LYPLAL1: variants seen among roughly 807,000 people sequenced by gnomAD.
LYPLAL1 encodes the protein lysophospholipase like 1, also known as lysophospholipase-like protein 1.
A neutral mutation model predicts 19.7 loss-of-function variants in LYPLAL1; 23 were observed. The observed-to-expected ratio is 1.17, with a 90% CI of 0.84 to 1.65. The LOEUF is 1.65. Among genes scored for constraint, LYPLAL1 ranks in the 40% most tolerant of loss-of-function variants. The pLI, the probability that LYPLAL1 is intolerant of heterozygous loss-of-function variation, is 0.00. For missense variants in LYPLAL1, 355 were observed against 279.4 expected (o/e 1.27, Z -1.93); for synonymous variants, 119 against 96.3 (o/e 1.24, Z -1.38).
the LYPLAL1 span, among the ~76,000 whole-genome samples, chr1:219,237,635 T>C: frequency 6.6e-6 from 1 of 152,208 alleles, no homozygotes; most frequent in Non-Finnish European, 1.5e-5. Context: ...TGTCTAGTTT[T>C]TGTCTGTTTG....
the LYPLAL1 span, among the ~76,000 whole-genome samples, chr1:219,267,796 A>T: frequency 2.0e-5 from 3 of 152,294 alleles, no homozygotes; most frequent in South Asian, 6.2e-4. Flanking sequence ...TGACTCCAAA[A>T]TCATGTTCTT....
chr1:219,177,160 A>G (rs1655885390), intron 1 of LYPLAL1, among the ~76,000 whole-genome samples: 3 of 152,170 alleles, frequency 2.0e-5, no homozygotes, highest in Non-Finnish European at 4.4e-5. Context: ...GCTCCAGGGT[A>G]GGGTCCTTGA....
At chr1:219,445,417 GGC>G in the LYPLAL1 span, among the ~76,000 whole-genome samples, 143 of 100,958 alleles carry the variant, frequency 1.4e-3, 2 homozygotes, top group African/African-American at 5.2e-3. Context: ...TTGGGGGGGG[GGC>G]GGTGGGGGGA....
the LYPLAL1 span, among the ~76,000 whole-genome samples, chr1:219,427,768 C>A: frequency 5.9e-5 from 9 of 152,182 alleles, no homozygotes; most frequent in African/African-American, 1.9e-4. Flanking sequence ...GTTTTGTTTT[C>A]CATTTAAATT....
chr1:219,281,179 T>C, the LYPLAL1 span, among the ~76,000 whole-genome samples: 4 of 152,220 alleles, frequency 2.6e-5, no homozygotes, highest in Non-Finnish European at 5.9e-5. Flanking sequence ...GCAGTTTGAT[T>C]CATAGAACAC....
chr1:219,205,836 C>A lies in LYPLAL1; in HGVS notation c.362-4696C>A, dbSNP rs145801489. Reference sequence around the variant, plus strand: ...TATTTTAATTAAACATTTTATGTTTCTTCAACAACTAGTAGGACTTTAAAG... The same window carrying A: ...TATTTTAATTAAACATTTTATGTTTATTCAACAACTAGTAGGACTTTAAAG... On this transcript the variant is annotated intron_variant, in intron 3 of 4. Coordinates refer to ENST00000366928, the MANE Select transcript of LYPLAL1 (RefSeq NM_138794.5). Among the ~76,000 whole-genome samples the A allele has an allele frequency of 4.1e-3, 629 of 152,220 alleles. 8 individuals carry two copies. The highest frequency in any genetic ancestry group is 0.014 in the African/African-American group (594 of 41,538).
chr1:219,264,477 TA>T, the LYPLAL1 span, among the ~76,000 whole-genome samples: 1 of 152,196 alleles, frequency 6.6e-6, no homozygotes, highest in Non-Finnish European at 1.5e-5. Flanking sequence ...TTGGGCAAAA[TA>T]ACTTCATAGA....
the LYPLAL1 span, among the ~76,000 whole-genome samples, chr1:219,232,936 T>A: frequency 1.3e-5 from 2 of 150,916 alleles, no homozygotes; most frequent in Admixed American, 6.6e-5. Flanking sequence ...TGAACTGTTG[T>A]GATGATGTAA....
At chr1:219,335,077 C>T in the LYPLAL1 span, among the ~76,000 whole-genome samples, 32 of 152,032 alleles carry the variant, frequency 2.1e-4, no homozygotes, top group African/African-American at 7.2e-4. Flanking sequence ...AGAAAACTCT[C>T]ATAAATCAAG....
the LYPLAL1 span, among the ~76,000 whole-genome samples, chr1:219,373,892 A>C: frequency 5.3e-5 from 8 of 150,548 alleles, no homozygotes; most frequent in African/African-American, 1.7e-4. Context: ...CAAAAAAAAA[A>C]ACACAAAAAC....
the LYPLAL1 span, among the ~76,000 whole-genome samples, chr1:219,344,111 A>C: frequency 6.6e-6 from 1 of 151,836 alleles, no homozygotes; most frequent in Non-Finnish European, 1.5e-5. Flanking sequence ...CAAAATGAAC[A>C]CTCAGTCCTT....
the LYPLAL1 span, among the ~76,000 whole-genome samples, chr1:219,251,826 T>C: frequency 6.6e-6 from 1 of 152,082 alleles, no homozygotes; most frequent in Admixed American, 6.6e-5. Context: ...ATGTAGCTGA[T>C]AGTTTGATAG....
the LYPLAL1 span, among the ~76,000 whole-genome samples, chr1:219,248,674 A>G: frequency 6.6e-6 from 1 of 152,136 alleles, no homozygotes; most frequent in East Asian, 1.9e-4. Context: ...CAGAGACTGC[A>G]TTCGATGTAA....
chr1:219,340,473 A>G, the LYPLAL1 span, among the ~76,000 whole-genome samples: 1 of 152,180 alleles, frequency 6.6e-6, no homozygotes, highest in African/African-American at 2.4e-5. Context: ...TGGGATACCA[A>G]TGGATGTGTG....
the LYPLAL1 span, among the ~76,000 whole-genome samples, chr1:219,340,322 T>A: frequency 2.5e-4 from 38 of 152,098 alleles, no homozygotes; most frequent in Non-Finnish European, 5.2e-4. Context: ...GGTGCCACAG[T>A]CTCTTCTTGA....
At chr1:219,429,182 A>G in the LYPLAL1 span, among the ~76,000 whole-genome samples, 1 of 152,210 alleles carries the variant, frequency 6.6e-6, no homozygotes, top group Non-Finnish European at 1.5e-5. Flanking sequence ...ATACCTAAAG[A>G]AGGAGAGAGC....
chr1:219,411,086 G>T, the LYPLAL1 span, among the ~76,000 whole-genome samples: 1 of 152,242 alleles, frequency 6.6e-6, no homozygotes, highest in African/African-American at 2.4e-5. Context: ...CCCGGTGCCG[G>T]ATCCACTAGG....
the LYPLAL1 span, among the ~76,000 whole-genome samples, chr1:219,412,378 T>G: frequency 2.0e-4 from 30 of 152,328 alleles, no homozygotes; most frequent in South Asian, 3.7e-3. Context: ...CTCCCTTAAC[T>G]TCATGACTTT....
rs1395412459 is a variant in LYPLAL1, at chr1:219,199,992, C to A, written c.361+6741C>A. The A allele has an allele frequency of 1.3e-5, 3 of 233,608 alleles. No individual in the cohort carries two copies. In the East Asian group the frequency reaches 2.8e-4, roughly 22 times the overall value. 14.5% of individuals were successfully genotyped at this position (233,608 alleles called of 1,614,324 possible). A position where few individuals can be genotyped will look rare whatever the true frequency, so the allele number is the denominator to read the frequency against. ...CCCAGGATATTAGACACCTGGACAG[C>A]TAGCTGCTTCCTTTGTTCACTCAGT... On this transcript the variant is annotated intron_variant, in intron 3 of 4. Transcript: ENST00000366928.
Sources: gnomAD v4.1 joint callset for allele counts (sites outside exome capture counted in the v4.1 genomes callset) on GRCh38, gnomAD v4.1.1 for gene constraint, MANE v1.5 for transcripts, NCBI Gene and HGNC (gene_info 2026-07-23, HGNC 2026-07-21) for gene names.